NOL4: variants seen among roughly 807,000 people sequenced by gnomAD.
NOL4 encodes the protein cancer/testis antigen 125.
A neutral mutation model predicts 75.9 loss-of-function variants in NOL4; 17 were observed. The ratio of observed to expected loss-of-function variants is 0.22; its 90% CI spans 0.15 to 0.34. The LOEUF (loss-of-function observed/expected upper bound fraction) is 0.34. NOL4 is among the 10% of genes least tolerant of loss of function. The pLI, the probability that NOL4 is intolerant of heterozygous loss-of-function variation, is 1.00. For missense variants in NOL4, 614 were observed against 793.5 expected (o/e 0.77, Z 2.72); for synonymous variants, 292 against 289.9 (o/e 1.01, Z -0.07).
intron 10 of NOL4, among the ~76,000 whole-genome samples, chr18:33,858,002 T>C (rs969743573): frequency 8.5e-5 from 13 of 152,106 alleles, no homozygotes; most frequent in African/African-American, 2.4e-4. Flanking sequence ...AAACTTATCA[T>C]TGACTCCTCC....
At chr18:33,920,889 G>T (rs2066997944) in intron 9 of NOL4, among the ~76,000 whole-genome samples, 1 of 152,206 alleles carries the variant, frequency 6.6e-6, no homozygotes, top group African/African-American at 2.4e-5. Flanking sequence ...GTTGAGGCCA[G>T]CCAGCTGGAC....
chr18:34,216,439 A>G (rs2036893386), intron 1 of NOL4, among the ~76,000 whole-genome samples: 1 of 151,938 alleles, frequency 6.6e-6, no homozygotes, highest in Admixed American at 6.6e-5. Context: ...CTACTTTAGG[A>G]AAAAAATGAT....
intron 1 of NOL4, among the ~76,000 whole-genome samples, chr18:34,146,150 C>A (rs906718954): frequency 1.3e-5 from 2 of 152,010 alleles, no homozygotes; most frequent in Non-Finnish European, 2.9e-5. Context: ...TGTTGCTTCC[C>A]TTAAAATGCA....
intron 10 of NOL4, among the ~76,000 whole-genome samples, chr18:33,880,201 G>A (rs1486466863): frequency 6.6e-6 from 1 of 151,872 alleles, no homozygotes; most frequent in Non-Finnish European, 1.5e-5. Context: ...CTTTATAGAA[G>A]ACCTTTATAT....
intron 5 of NOL4, among the ~76,000 whole-genome samples, chr18:34,040,671 T>G (rs2144793047): frequency 6.6e-6 from 1 of 152,030 alleles, no homozygotes; most frequent in Admixed American, 6.6e-5. Context: ...TTCCACTGCC[T>G]TATGCTGCAG....
intron 5 of NOL4, among the ~76,000 whole-genome samples, chr18:34,024,192 A>ATATATATATATAT (rs1215950663): frequency 5.3e-5 from 4 of 76,176 alleles, no homozygotes; most frequent in East Asian, 2.5e-4. Flanking sequence ...AAAAAAAAAA[A>ATATATATATATAT]AAATATATAT....
At chr18:34,138,019 C>G (rs79898007) in intron 1 of NOL4, among the ~76,000 whole-genome samples, 3,120 of 152,100 alleles carry the variant, frequency 0.021, 51 homozygotes, top group East Asian at 0.062. Flanking sequence ...CATGGATAAA[C>G]CTTGAAGACA....
chr18:34,223,337 G>A lies in NOL4; in HGVS notation c.-84C>T. 1 of 1,538,866 alleles carries A rather than the reference G, an allele frequency of 6.5e-7. No individual in the cohort carries two copies. The highest frequency in any genetic ancestry group is 8.7e-7 in the Non-Finnish European group (1 of 1,145,660). ...TAGGCTCATGAAAAATGCAGCCCCGGCCACGTTGCAGGGATGCGAGGTCCC... is the reference window on the plus strand; with the variant it reads ...TAGGCTCATGAAAAATGCAGCCCCGACCACGTTGCAGGGATGCGAGGTCCC... On this transcript the variant is annotated 5_prime_UTR_variant, in exon 1 of 11. Coordinates refer to ENST00000261592, the MANE Select transcript of NOL4 (RefSeq NM_003787.5).
In NOL4 at chr18:33,926,188, T is replaced by C. The variant is rs562879926; in HGVS notation, c.1542+16877A>G. 1.9e-3 allele frequency among the ~76,000 whole-genome samples: 291 copies of C among 151,756 alleles called. 1 individual carries two copies. The highest frequency in any genetic ancestry group is 0.01 in the Middle Eastern group (3 of 292). On this transcript the variant is annotated intron_variant, in intron 9 of 10. Transcript: ENST00000261592. ...CATCCTGGCCAACATGGTGAAACCC[T>C]GTCTCTACTAAAAATACAAAAATTA...
chr18:34,038,045 TA>T (rs1335079682), intron 5 of NOL4, among the ~76,000 whole-genome samples: 1 of 151,394 alleles, frequency 6.6e-6, no homozygotes, highest in Non-Finnish European at 1.5e-5. Flanking sequence ...AACTCAACAA[TA>T]AAAAAACAAA....
chr18:33,999,903 C>T (rs752733219), intron 6 of NOL4, among the ~76,000 whole-genome samples: 5 of 152,060 alleles, frequency 3.3e-5, no homozygotes, highest in South Asian at 2.1e-4. Flanking sequence ...CCACCTGCCT[C>T]GGCCTCCCAA....
At chr18:33,986,274 C>A (rs1430390805) in intron 6 of NOL4, among the ~76,000 whole-genome samples, 2 of 151,986 alleles carry the variant, frequency 1.3e-5, no homozygotes, top group South Asian at 2.1e-4. Flanking sequence ...TGGACAAAAG[C>A]AAATAATATT....
chr18:33,948,024 C>T (rs1175468329), intron 8 of NOL4, among the ~76,000 whole-genome samples: 1 of 151,892 alleles, frequency 6.6e-6, no homozygotes, highest in Non-Finnish European at 1.5e-5. Flanking sequence ...ACTTTAGAGT[C>T]CTCTGAACTT....
intron 6 of NOL4, among the ~76,000 whole-genome samples, chr18:33,992,445 C>T (rs2072990797): frequency 6.6e-6 from 1 of 151,942 alleles, no homozygotes; most frequent in Admixed American, 6.6e-5. Flanking sequence ...AACAAAAAGT[C>T]TCTGGAAGTC....
chr18:34,175,913 C>A (rs1281844224), intron 1 of NOL4, among the ~76,000 whole-genome samples: 1 of 151,876 alleles, frequency 6.6e-6, no homozygotes, highest in South Asian at 2.1e-4. Context: ...TTTAAAATAT[C>A]AATTTTCATT....
At chr18:33,877,962 G>T (rs1190693253) in intron 10 of NOL4, among the ~76,000 whole-genome samples, 2 of 151,936 alleles carry the variant, frequency 1.3e-5, no homozygotes, top group Non-Finnish European at 2.9e-5. Context: ...CAATGAATGA[G>T]GAGAGAGTGG....
chr18:33,891,447 G>A (rs1457729272), intron 9 of NOL4, among the ~76,000 whole-genome samples: 1 of 152,114 alleles, frequency 6.6e-6, no homozygotes, highest in Non-Finnish European at 1.5e-5. Flanking sequence ...AATACTTGTA[G>A]CTATGGAAAC....
chr18:33,971,132 C>T (rs2071022542), intron 6 of NOL4, among the ~76,000 whole-genome samples: 1 of 152,146 alleles, frequency 6.6e-6, no homozygotes, highest in African/African-American at 2.4e-5. Flanking sequence ...TAAACTATGG[C>T]TGAAAACAGT....
intron 4 of NOL4, among the ~76,000 whole-genome samples, chr18:34,103,839 A>G (rs2079148068): frequency 6.6e-6 from 1 of 151,984 alleles, no homozygotes; most frequent in African/African-American, 2.4e-5. Context: ...TTCCCACATA[A>G]CACTAAGACA....
Sources: allele counts gnomAD v4.1 joint callset (sites outside exome capture counted in the v4.1 genomes callset), GRCh38; gene constraint gnomAD v4.1.1; transcripts MANE v1.5; gene names NCBI Gene and HGNC (gene_info 2026-07-23, HGNC 2026-07-21).